Variants in ZNF362 observed in about 807,000 individuals in gnomAD.
ZNF362 encodes the protein zinc finger protein 362.
A neutral mutation model predicts 42.9 loss-of-function variants in ZNF362; 11 were observed. The ratio of observed to expected loss-of-function variants is 0.26; its 90% CI spans 0.16 to 0.42. The LOEUF (loss-of-function observed/expected upper bound fraction) is 0.42. Among genes scored for constraint, ZNF362 ranks in the 20% least tolerant of loss-of-function variants. The probability of loss-of-function intolerance (pLI) is 1.00; values close to 1 mark genes in which losing one functional copy is unlikely to be tolerated. For missense variants in ZNF362, 362 were observed against 576.2 expected, an observed-to-expected ratio of 0.63 and a Z score of 3.81; for synonymous variants, 255 against 257.3, an observed-to-expected ratio of 0.99 and a Z score of 0.09.
the ZNF362 span, among the ~76,000 whole-genome samples, chr1:33,130,563 G>A: frequency 1.3e-5 from 2 of 152,290 alleles, no homozygotes; most frequent in Admixed American, 1.3e-4. Context: ...TCCTCCCCCA[G>A]GCAAGCCTTA....
chr1:33,136,927 G>T, the ZNF362 span, among the ~76,000 whole-genome samples: 1 of 151,618 alleles, frequency 6.6e-6, no homozygotes, highest in Non-Finnish European at 1.5e-5. Flanking sequence ...AACCCAGGAG[G>T]CAGAGGTTGC....
the ZNF362 span, among the ~76,000 whole-genome samples, chr1:33,197,136 C>G: frequency 6.6e-6 from 1 of 152,170 alleles, no homozygotes; most frequent in Admixed American, 6.5e-5. Context: ...AGTCCAGGTT[C>G]TTTGGTCTTT....
chr1:33,287,949 C>G (rs1487183822), intron 6 of ZNF362, among the ~76,000 whole-genome samples: 3 of 152,178 alleles, frequency 2.0e-5, no homozygotes, highest in Non-Finnish European at 4.4e-5. Context: ...AGTTAAAAAA[C>G]ACGACATGCC....
chr1:33,136,172 TTCCC>T, the ZNF362 span, among the ~76,000 whole-genome samples: 2 of 110,070 alleles, frequency 1.8e-5, no homozygotes, highest in Admixed American at 8.7e-5. Flanking sequence ...CCTTCCTTCC[TTCCC>T]TCCCTCTCTC....
At chr1:33,270,157 G>C (rs915073227) in intron 1 of ZNF362, among the ~76,000 whole-genome samples, 1 of 152,200 alleles carries the variant, frequency 6.6e-6, no homozygotes, top group Non-Finnish European at 1.5e-5. Flanking sequence ...TGGGCTAGAG[G>C]CTGGCAGAAA....
the ZNF362 span, among the ~76,000 whole-genome samples, chr1:33,235,426 A>T: frequency 6.6e-6 from 1 of 152,204 alleles, no homozygotes; most frequent in African/African-American, 2.4e-5. Flanking sequence ...TACTTGGAAA[A>T]GTGAGGTGTC....
At chr1:33,292,689 C>T (rs1008251091) in intron 6 of ZNF362, among the ~76,000 whole-genome samples, 2 of 152,148 alleles carry the variant, frequency 1.3e-5, no homozygotes, top group African/African-American at 4.8e-5. Flanking sequence ...GCTGTGAATC[C>T]GTCTGGTCCT....
chr1:33,164,200 G>C, the ZNF362 span: 1 of 152,284 alleles, frequency 6.6e-6, no homozygotes, highest in Non-Finnish European at 1.5e-5. Context: ...GGAATGTTCT[G>C]TGAAGAATTG....
the ZNF362 span, chr1:33,159,626 TG>T: frequency 6.5e-7 from 1 of 1,537,862 alleles, no homozygotes; most frequent in Middle Eastern, 2.0e-4. The surrounding 1 kb of genome is among the most constrained non-coding windows in gnomAD (Gnocchi z 4.2). Context: ...CCACTCCCAC[TG>T]CCCAGCATGG....
the ZNF362 span, among the ~76,000 whole-genome samples, chr1:33,229,333 G>A: frequency 6.6e-6 from 1 of 151,900 alleles, no homozygotes. Flanking sequence ...AGCCATCTGT[G>A]GAATGAATGA....
At chr1:33,251,373 C>T in the ZNF362 span, among the ~76,000 whole-genome samples, 8 of 152,140 alleles carry the variant, frequency 5.3e-5, no homozygotes, top group African/African-American at 1.9e-4. Context: ...CATGTTTGTC[C>T]ACTTCTCTCC....
chr1:33,136,260 T>A, the ZNF362 span, among the ~76,000 whole-genome samples: 1 of 151,262 alleles, frequency 6.6e-6, no homozygotes. Context: ...TCTTTCTTTT[T>A]CTTTCTCTCT....
chr1:33,170,369 T>C, the ZNF362 span, among the ~76,000 whole-genome samples: 21 of 150,372 alleles, frequency 1.4e-4, no homozygotes, highest in African/African-American at 5.1e-4. Flanking sequence ...CCAGCCTGGG[T>C]GACAGAGCGA....
At chr1:33,180,953 T>TGGGGGGGGGGGGGGGGGGGG in the ZNF362 span, 1 of 724,330 alleles carries the variant, frequency 1.4e-6, no homozygotes, top group Non-Finnish European at 2.0e-6. Flanking sequence ...GGTCCAGCCC[T>TGGGGGGGGGGGGGGGGGGGG]GACCCCACCC....
At chr1:33,189,681 ATACG>A in the ZNF362 span, among the ~76,000 whole-genome samples, 42 of 39,810 alleles carry the variant, frequency 1.1e-3, no homozygotes, top group African/African-American at 2.0e-3. Context: ...ATGTATATAT[ATACG>A]TATATATATA....
At chr1:33,176,720 C>T in the ZNF362 span, among the ~76,000 whole-genome samples, 1 of 152,196 alleles carries the variant, frequency 6.6e-6, no homozygotes, top group Non-Finnish European at 1.5e-5. Context: ...GGTATGTGGC[C>T]TAGTCAGACT....
chr1:33,277,519 C>T (rs10914675), intron 4 of ZNF362, among the ~76,000 whole-genome samples: 25,117 of 152,066 alleles, frequency 0.17, 2,585 homozygotes, highest in South Asian at 0.26. Flanking sequence ...CACTCAGATA[C>T]GGGTTGAGAA....
intron 4 of ZNF362, among the ~76,000 whole-genome samples, chr1:33,279,146 TC>T (rs1645972090): frequency 6.6e-6 from 1 of 152,036 alleles, no homozygotes; most frequent in African/African-American, 2.4e-5. Context: ...CACCCCAGCC[TC>T]CCTAGTAGCT....
chr1:33,271,841 G>A (rs1181924589), intron 2 of ZNF362, among the ~76,000 whole-genome samples: 7 of 152,180 alleles, frequency 4.6e-5, no homozygotes, highest in Non-Finnish European at 1.5e-5. Context: ...GGGATGTCCC[G>A]CTGTGAGCTG....
Sources: allele counts gnomAD v4.1 joint callset (sites outside exome capture counted in the v4.1 genomes callset), GRCh38; gene constraint gnomAD v4.1.1; non-coding constraint Gnocchi (gnomAD v3.1); transcripts MANE v1.5; gene names NCBI Gene and HGNC (gene_info 2026-07-23, HGNC 2026-07-21).